RTTN: variants seen among roughly 807,000 people sequenced by gnomAD.
The protein encoded by RTTN is rotatin.
A neutral mutation model predicts 269.2 loss-of-function variants in RTTN; 182 were observed. That is an observed-to-expected ratio of 0.68 (90% confidence interval 0.60 to 0.76). The LOEUF is 0.76. Among genes scored for constraint, RTTN ranks in the 30% least tolerant of loss-of-function variants. The pLI is 0.00. For missense variants in RTTN, 2,545 were observed against 2,608.6 expected (o/e 0.98, Z 0.53); for synonymous variants, 1,006 against 963.5 (o/e 1.04, Z -0.82).
intron 34 of RTTN, among the ~76,000 whole-genome samples, 190 bp from the exon 35 acceptor site, chr18:70,066,112 G>T (rs1411348182): frequency 1.3e-5 from 2 of 152,006 alleles, no homozygotes; most frequent in Non-Finnish European, 2.9e-5. Flanking sequence ...CTTCTTAAAG[G>T]AATTGTTATC....
chr18:70,112,220 A>G (rs1399716861), intron 27 of RTTN, among the ~76,000 whole-genome samples: 1 of 152,228 alleles, frequency 6.6e-6, no homozygotes, highest in Non-Finnish European at 1.5e-5. Context: ...TGTAAAGAAC[A>G]TCGACGCTAT....
intron 44 of RTTN, chr18:70,021,240 T>C (rs577746150): frequency 1.3e-5 from 2 of 153,960 alleles, no homozygotes; most frequent in Non-Finnish European, 2.9e-5. Context: ...CTATTTTCTA[T>C]ATTTGGTCAA....
intron 46 of RTTN, among the ~76,000 whole-genome samples, chr18:70,013,882 T>C (rs2056466440): frequency 6.6e-6 from 1 of 152,206 alleles, no homozygotes; most frequent in Admixed American, 6.5e-5. Flanking sequence ...AAAGACTGTC[T>C]TGATATATCT....
intron 14 of RTTN, among the ~76,000 whole-genome samples, chr18:70,156,674 C>T (rs989161161): frequency 2.0e-5 from 3 of 152,144 alleles, no homozygotes; most frequent in East Asian, 1.9e-4. Flanking sequence ...ATGTCTCCCC[C>T]GGACGCCCAG....
rs769295462 is a variant in RTTN at position 70,088,012 on chromosome 18, CT to C, written c.4278del (p.Glu1427AsnfsTer18). ...ACCTCCCGGCGCACCATACTACATT[CT>C]GACTGGTCCAGAAGAATGTTCACCA... ...GTVVNILLDQ[S>X]ECSMVRREAA... is the part of the protein sequence containing the mutation. On this transcript the variant is annotated frameshift_variant, in exon 31 of 49. Coordinates refer to ENST00000640769, the MANE Select transcript of RTTN (RefSeq NM_173630.4). LOFTEE classifies it high-confidence loss of function. 1 of 1,613,398 alleles carries C rather than the reference CT, an allele frequency of 6.2e-7. No individual in the cohort carries two copies. The highest frequency in any genetic ancestry group is 8.5e-7 in the Non-Finnish European group (1 of 1,179,764).
chr18:70,019,108 T>C (rs1377548329), intron 45 of RTTN, among the ~76,000 whole-genome samples: 1 of 152,156 alleles, frequency 6.6e-6, no homozygotes, highest in Non-Finnish European at 1.5e-5. Context: ...AAAGACTTGA[T>C]TAATCCGTCC....
At chr18:70,108,734 T>A (rs1253746593) in intron 28 of RTTN, among the ~76,000 whole-genome samples, 1 of 151,994 alleles carries the variant, frequency 6.6e-6, no homozygotes, top group East Asian at 1.9e-4. Context: ...AGTAATGGAA[T>A]ATAAGGGAAA....
intron 40 of RTTN, among the ~76,000 whole-genome samples, chr18:70,031,938 CA>C (rs2057025750): frequency 6.6e-6 from 1 of 152,120 alleles, no homozygotes. Context: ...AGGCAAGGAA[CA>C]AAATTCGCTC....
chr18:70,013,413 CTGTGTGTGTGTGTG>C (rs150097969), intron 46 of RTTN, among the ~76,000 whole-genome samples: 1 of 145,572 alleles, frequency 6.9e-6, no homozygotes, highest in East Asian at 2.0e-4. Flanking sequence ...GTGTGTGTGT[CTGTGTGTGTGTGTG>C]TGTGTGTGAA....
intron 14 of RTTN, among the ~76,000 whole-genome samples, chr18:70,156,490 G>A (rs533618429): frequency 3.9e-5 from 6 of 152,186 alleles, no homozygotes; most frequent in East Asian, 1.9e-4. Context: ...GCGGTCCTGC[G>A]GTCCTATGAT....
At chr18:70,093,705 A>G (rs2058917259) in intron 28 of RTTN, among the ~76,000 whole-genome samples, 1 of 152,176 alleles carries the variant, frequency 6.6e-6, no homozygotes, top group Admixed American at 6.5e-5. Context: ...TCGGTTTGCC[A>G]GTCTTTTATT....
chr18:70,041,380 GCACA>G (rs10701052), intron 40 of RTTN, among the ~76,000 whole-genome samples: 5 of 147,400 alleles, frequency 3.4e-5, no homozygotes, highest in African/African-American at 7.4e-5. Flanking sequence ...AAATGGGATT[GCACA>G]CACACACACA....
chr18:70,061,510 GCATGCACATA>G (rs2057986028), intron 35 of RTTN: 2 of 434,984 alleles, frequency 4.6e-6, no homozygotes, highest in Admixed American at 5.0e-5. Flanking sequence ...ATATACGTAT[GCATGCACATA>G]CATACCCCTG....
chr18:70,106,242 G>A (rs1461545938), intron 28 of RTTN, among the ~76,000 whole-genome samples: 1 of 152,210 alleles, frequency 6.6e-6, no homozygotes, highest in African/African-American at 2.4e-5. Context: ...CTACTTGGGA[G>A]GCTGAGGTGG....
chr18:70,088,186 C>A (rs770396177), intron 30 of RTTN, 39 bp from the exon 31 acceptor site: 2 of 1,549,626 alleles, frequency 1.3e-6, no homozygotes, highest in South Asian at 1.2e-5. Context: ...ATCAAATAAG[C>A]CTTTTTCCTA....
At chr18:70,169,971 A>G (rs2061094830) in intron 11 of RTTN, among the ~76,000 whole-genome samples, 1 of 152,210 alleles carries the variant, frequency 6.6e-6, no homozygotes, top group Non-Finnish European at 1.5e-5. Flanking sequence ...AATCAGCTAA[A>G]CAACGATACC....
chr18:70,076,545 C>G (rs1488323114), intron 32 of RTTN, among the ~76,000 whole-genome samples: 3 of 152,180 alleles, frequency 2.0e-5, no homozygotes, highest in Non-Finnish European at 4.4e-5. Flanking sequence ...TCTATTAACA[C>G]TTCTTTTTAA....
chr18:70,045,646 C>T (rs1438358154), intron 40 of RTTN, among the ~76,000 whole-genome samples: 4 of 152,140 alleles, frequency 2.6e-5, no homozygotes, highest in African/African-American at 9.7e-5. Flanking sequence ...TTAACTGTCC[C>T]AACTTACATT....
rs776368380 is a variant in RTTN, at chr18:70,176,833, G to A, written c.1318C>T (p.Leu440Phe). ...TCTCCAAGGGCTCCCAACACCAGGAGTAGTTTCTCCTTCTGAAAACATTTA... is the reference window on the plus strand; with the variant it reads ...TCTCCAAGGGCTCCCAACACCAGGAATAGTTTCTCCTTCTGAAAACATTTA... The part of the protein sequence containing the change: ...LFGIDMKEKL[L>F]LVLGALGETM... Residue 440 changes from leucine (L) to phenylalanine (F), a missense_variant, in exon 11 of 49, where the codon CTC becomes TTC. Coordinates refer to ENST00000640769, the MANE Select transcript of RTTN (RefSeq NM_173630.4). 2.7e-5 allele frequency: 43 copies of A among 1,612,970 alleles called. No homozygotes were observed. In the South Asian group the frequency reaches 4.1e-4, roughly 15 times the overall value.
Sources: allele counts gnomAD v4.1 joint callset (sites outside exome capture counted in the v4.1 genomes callset), GRCh38; gene constraint gnomAD v4.1.1; transcripts MANE v1.5; gene names NCBI Gene and HGNC (gene_info 2026-07-23, HGNC 2026-07-21).